NCOR1: variants seen among roughly 807,000 people sequenced by gnomAD.
NCOR1 encodes nuclear receptor corepressor 1, also known as protein phosphatase 1, regulatory subunit 109.
Under a neutral mutation model 288.1 loss-of-function variants are expected in NCOR1, and 63 were observed. That is an observed-to-expected ratio of 0.22 (90% confidence interval 0.18 to 0.27). The LOEUF is 0.27. NCOR1 is among the 10% of genes least tolerant of loss of function. The probability of loss-of-function intolerance (pLI) is 1.00; values close to 1 mark genes in which losing one functional copy is unlikely to be tolerated. For synonymous variants in NCOR1, 1,007 were observed against 1,065.9 expected (o/e 0.94, Z 1.08); for missense variants, 2,397 against 3,019.2 (o/e 0.79, Z 4.83).
chr17:16,120,311 T>A (rs1487273421), intron 16 of NCOR1, among the ~76,000 whole-genome samples: 2 of 152,046 alleles, frequency 1.3e-5, no homozygotes, highest in African/African-American at 4.8e-5. Context: ...ATCACAGCAT[T>A]CCTCTATTTA....
At position 16,062,010 on chromosome 17, in the gene NCOR1, AG is replaced by A. The variant is rs1175827560; in HGVS notation, c.5387+94del. 7 of 1,576,080 alleles carry A rather than the reference AG, an allele frequency of 4.4e-6. No homozygotes were observed. The Admixed American group carries it at 1.4e-4, about 32-fold the overall frequency. On this transcript the variant is annotated intron_variant, in intron 36 of 45. Coordinates refer to ENST00000268712, the MANE Select transcript of NCOR1 (RefSeq NM_006311.4). ...CAAAAAAAGCCTTCATGGCATGGGCAGAAAAGCATGACTATACTTAGACTAT... is the reference window on the plus strand; with the variant it reads ...CAAAAAAAGCCTTCATGGCATGGGCAAAAAGCATGACTATACTTAGACTAT...
At chr17:16,044,803 C>T in intron 42 of NCOR1, 1 of 1,114,536 alleles carries the variant, frequency 9.0e-7, no homozygotes. Context: ...GCCTCATCTA[C>T]AATGTAGGGG....
intron 42 of NCOR1, among the ~76,000 whole-genome samples, chr17:16,042,814 T>TA (rs1192093176): frequency 6.6e-6 from 1 of 152,134 alleles, no homozygotes; most frequent in Non-Finnish European, 1.5e-5. Flanking sequence ...TTTAGATATT[T>TA]AAGGAGCCAG....
chr17:16,211,747 G>C (rs145314755), intron 1 of NCOR1, among the ~76,000 whole-genome samples: 1 of 151,846 alleles, frequency 6.6e-6, no homozygotes, highest in Non-Finnish European at 1.5e-5. Flanking sequence ...AGCTACTGGG[G>C]TAGGAAAAAA....
intron 35 of NCOR1, among the ~76,000 whole-genome samples, chr17:16,062,775 CTCTT>C (rs758924815): frequency 2.0e-4 from 30 of 152,352 alleles, no homozygotes; most frequent in Non-Finnish European, 3.7e-4. Context: ...TCACAGGTGA[CTCTT>C]TCTCTCAGCA....
chr17:16,161,028 G>C (rs1486304741), intron 5 of NCOR1, among the ~76,000 whole-genome samples: 1 of 152,190 alleles, frequency 6.6e-6, no homozygotes, highest in East Asian at 1.9e-4. Flanking sequence ...TCTGTTATCT[G>C]TACAAGCAAA....
intron 1 of NCOR1, among the ~76,000 whole-genome samples, chr17:16,204,939 G>A (rs2091306766): frequency 6.6e-6 from 1 of 152,252 alleles, no homozygotes; most frequent in Non-Finnish European, 1.5e-5. Flanking sequence ...AAGTGAGTGA[G>A]GCCAGGCGCG....
Position 16,171,988 on chromosome 17 carries a change from C to T in NCOR1, c.250G>A (p.Glu84Lys), listed in dbSNP as rs2083217332. Residue 84 changes from glutamate (E) to lysine (K), a missense_variant, in exon 4 of 46, where the codon GAA becomes AAA. Physicochemically the swap from Glu to Lys is moderately conservative, Grantham distance 56 (BLOSUM62 1). This residue lies in a region of NCOR1 where 110 missense variants were observed against 123.2 expected (regional missense o/e 0.89). Coordinates refer to ENST00000268712, the MANE Select transcript of NCOR1 (RefSeq NM_006311.4). ...EFHPGSDRPQERRTSYEPFHP... is the reference protein window; with the variant it reads ...EFHPGSDRPQKRRTSYEPFHP... ...AACGGTTCATAACTAGTTCTCCTTT[C>T]TTGAGGCCTAATACATACAAAGAAA... The T allele has an allele frequency of 1.3e-6, 2 of 1,573,008 alleles. No homozygotes were observed. The highest frequency in any genetic ancestry group is 1.4e-5 in the African/African-American group (1 of 72,306).
chr17:16,128,434 C>T (rs780081163), intron 14 of NCOR1, among the ~76,000 whole-genome samples: 1 of 152,232 alleles, frequency 6.6e-6, no homozygotes, highest in Non-Finnish European at 1.5e-5. Flanking sequence ...GCCTGCTTAT[C>T]AGCATCCATC....
At chr17:16,133,266 G>C (rs1240223816) in intron 14 of NCOR1, among the ~76,000 whole-genome samples, 1 of 152,180 alleles carries the variant, frequency 6.6e-6, no homozygotes, top group African/African-American at 2.4e-5. Flanking sequence ...ATCGCACCCA[G>C]CCACACACTA....
rs374601385 is a variant in NCOR1 at position 16,164,971 on chromosome 17, A to G, written c.618+8T>C. ...CATTCTTAGAATATATTAAGCAAAGACATTTACTTGTTTCTTTTTCAGTTT... is the reference window on the plus strand; with the variant it reads ...CATTCTTAGAATATATTAAGCAAAGGCATTTACTTGTTTCTTTTTCAGTTT... On this transcript the variant is annotated splice_region_variant and intron_variant, in intron 5 of 45. Transcript: ENST00000268712. The G allele has an allele frequency of 1.2e-5, 19 of 1,548,976 alleles. No individual in the cohort carries two copies. The highest frequency in any genetic ancestry group is 1.6e-5 in the Non-Finnish European group (18 of 1,148,408).
At chr17:16,186,785 G>A in intron 2 of NCOR1, 98 bp from the exon 3 acceptor site, 1 of 1,041,444 alleles carries the variant, frequency 9.6e-7, no homozygotes. Context: ...CACTAAGTAT[G>A]GAAAGAAAGA....
intron 18 of NCOR1, among the ~76,000 whole-genome samples, chr17:16,117,684 A>G (rs1471225839): frequency 1.3e-5 from 2 of 151,970 alleles, no homozygotes; most frequent in African/African-American, 4.8e-5. Context: ...TTAGCCAGGC[A>G]TGGTGGCGGG....
intron 18 of NCOR1, among the ~76,000 whole-genome samples, chr17:16,113,035 C>T (rs919598508): frequency 1.3e-5 from 2 of 152,030 alleles, no homozygotes; most frequent in African/African-American, 4.8e-5. Flanking sequence ...CTCAGCCTCC[C>T]CAATGGCTGG....
chr17:16,106,815 T>C (rs1043829993), intron 19 of NCOR1, among the ~76,000 whole-genome samples: 4 of 142,764 alleles, frequency 2.8e-5, no homozygotes, highest in African/African-American at 5.2e-5. Flanking sequence ...TTCTAGATGA[T>C]TGAGCAGATG....
intron 3 of NCOR1, among the ~76,000 whole-genome samples, chr17:16,184,828 T>C (rs2086263828): frequency 6.6e-6 from 1 of 151,934 alleles, no homozygotes; most frequent in South Asian, 2.1e-4. Context: ...TGTTTGTCAA[T>C]GAATGAATCA....
At position 16,092,668 on chromosome 17, in the gene NCOR1, TATATATATATATATATATATATA is replaced by T. The variant is rs2065455275; in HGVS notation, c.2821-633_2821-611del. ...CCATTTATATATATATATATATATA[TATATATATATATATATATATATA>T]TATATTTTTTTTTTTTTTTTTTTTT... On this transcript the variant is annotated intron_variant, in intron 21 of 45. Transcript: ENST00000268712. 1.4e-4 allele frequency among the ~76,000 whole-genome samples: 2 copies of T among 14,330 alleles called. 1 individual carries two copies. The highest frequency in any genetic ancestry group is 2.5e-4 in the Non-Finnish European group (2 of 7,894). The allele number at this position is 14,330 out of a possible 152,430, so 9.4% of individuals were successfully genotyped here.
intron 40 of NCOR1, chr17:16,049,208 G>A (rs115468634): frequency 4.9e-4 from 168 of 343,532 alleles, no homozygotes; most frequent in African/African-American, 3.3e-3. Context: ...ACCCATGCGC[G>A]CCCCGTGGAT....
At chr17:16,098,309 T>A in intron 21 of NCOR1, 58 bp downstream of exon 21, 1 of 1,525,192 alleles carries the variant, frequency 6.6e-7, no homozygotes, top group Non-Finnish European at 9.0e-7. Flanking sequence ...AGAAGAAATA[T>A]GTCTATAAAG....
Sources: gnomAD v4.1 joint callset for allele counts (sites outside exome capture counted in the v4.1 genomes callset) on GRCh38, gnomAD v4.1.1 for gene constraint, gnomAD v4.1.1 regional missense constraint, MANE v1.5 for transcripts, NCBI Gene and HGNC (gene_info 2026-07-23, HGNC 2026-07-21) for gene names.